Variants in ZNF521 observed in about 807,000 individuals in gnomAD.
The protein encoded by ZNF521 is zinc finger protein 521, also known as LYST-interacting protein 3.
A neutral mutation model predicts 105.5 loss-of-function variants in ZNF521; 14 were observed. That is an observed-to-expected ratio of 0.13 (90% CI 0.09 to 0.21). ZNF521 has a LOEUF of 0.21. Ranked by LOEUF, ZNF521 falls within the 10% of genes least tolerant of loss-of-function variation. The pLI is 1.00. For synonymous variants in ZNF521, 635 were observed against 606.0 expected, an observed-to-expected ratio of 1.05 and a Z score of -0.70; for missense variants, 1,233 against 1,629.7, an observed-to-expected ratio of 0.76 and a Z score of 4.19.
At chr18:25,324,650 T>C (rs4380121) in intron 2 of ZNF521, among the ~76,000 whole-genome samples, 1 of 152,166 alleles carries the variant, frequency 6.6e-6, no homozygotes, top group Non-Finnish European at 1.5e-5. Flanking sequence ...TTAGGTCTGA[T>C]TTTTAATATG....
intron 4 of ZNF521, chr18:25,202,755 T>C (rs1488877127): frequency 6.6e-6 from 1 of 152,216 alleles, no homozygotes; most frequent in East Asian, 1.9e-4. Flanking sequence ...TTTCCACAAA[T>C]GCTCAATAAC....
At chr18:25,254,345 G>C (rs1908327769) in intron 3 of ZNF521, among the ~76,000 whole-genome samples, 1 of 152,090 alleles carries the variant, frequency 6.6e-6, no homozygotes, top group African/African-American at 2.4e-5. Flanking sequence ...CATCTTGATA[G>C]GGCCAAACTA....
chr18:25,100,096 T>C (rs866094733), intron 5 of ZNF521, among the ~76,000 whole-genome samples: 28 of 151,780 alleles, frequency 1.8e-4, no homozygotes, highest in East Asian at 3.9e-4. Context: ...TTCTTTCTTT[T>C]TTTTTTTTTT....
chr18:25,191,354 T>C (rs1438302615), intron 5 of ZNF521, among the ~76,000 whole-genome samples: 1 of 152,152 alleles, frequency 6.6e-6, no homozygotes, highest in Non-Finnish European at 1.5e-5. Flanking sequence ...AGTCCATAAC[T>C]ATAGTAATCA....
At chr18:25,131,571 T>C (rs1389644563) in intron 5 of ZNF521, among the ~76,000 whole-genome samples, 1 of 152,130 alleles carries the variant, frequency 6.6e-6, no homozygotes, top group African/African-American at 2.4e-5. Context: ...ACATAAATAT[T>C]CATTTGCATG....
intron 4 of ZNF521, among the ~76,000 whole-genome samples, chr18:25,218,749 G>A (rs1171426962): frequency 1.3e-5 from 2 of 151,840 alleles, no homozygotes; most frequent in African/African-American, 4.8e-5. Context: ...TCAGGAGGCT[G>A]AGGCAGGAGA....
chr18:25,336,909 G>A (rs751728646), intron 2 of ZNF521, among the ~76,000 whole-genome samples: 4 of 152,178 alleles, frequency 2.6e-5, no homozygotes, highest in African/African-American at 9.7e-5. Flanking sequence ...TATTCTAAGA[G>A]CTTACACTAA....
chr18:25,158,567 C>T (rs987555509), intron 5 of ZNF521, among the ~76,000 whole-genome samples: 15 of 151,852 alleles, frequency 9.9e-5, no homozygotes, highest in African/African-American at 2.4e-4. Flanking sequence ...CATGAAACCA[C>T]GAAAGCATGA....
chr18:25,180,512 C>CAA lies in ZNF521; in HGVS notation c.3658+14646_3658+14647dup, dbSNP rs34127829. Among the ~76,000 whole-genome samples the CAA allele has an allele frequency of 6.9e-3, 960 of 140,008 alleles. 8 individuals are homozygous for CAA. The highest frequency in any genetic ancestry group is 0.02 in the Admixed American group (279 of 13,958). 91.9% of individuals were successfully genotyped at this position (140,008 alleles called of 152,430 possible). On this transcript the variant is annotated intron_variant, in intron 5 of 7. Transcript: ENST00000361524. ...CTAAAGTATATGTTTTTATCTCTTG[C>CAA]AAAAAAAAAAAACCCCACATTTATT...
intron 7 of ZNF521, among the ~76,000 whole-genome samples, chr18:25,083,419 G>A (rs1379334537): frequency 1.3e-5 from 2 of 152,150 alleles, no homozygotes; most frequent in East Asian, 3.9e-4. Context: ...GATGAATCTG[G>A]ATTTTGTTCA....
At chr18:25,110,231 G>A (rs1203776299) in intron 5 of ZNF521, among the ~76,000 whole-genome samples, 2 of 152,194 alleles carry the variant, frequency 1.3e-5, no homozygotes. Flanking sequence ...GATCTGGGAG[G>A]TAAAACTGAG....
chr18:25,342,386 C>T (rs1185767989), intron 2 of ZNF521, among the ~76,000 whole-genome samples: 2 of 150,056 alleles, frequency 1.3e-5, no homozygotes, highest in African/African-American at 4.9e-5. Flanking sequence ...GACTTTACAG[C>T]CTTTTTCCTT....
intron 5 of ZNF521, among the ~76,000 whole-genome samples, chr18:25,189,186 T>G (rs1041877266): frequency 2.6e-5 from 4 of 152,210 alleles, no homozygotes; most frequent in East Asian, 1.9e-4. Context: ...GAGTTTCTTT[T>G]AAATTGTCTT....
intron 3 of ZNF521, among the ~76,000 whole-genome samples, chr18:25,309,970 C>G (rs1365956180): frequency 6.6e-6 from 1 of 152,038 alleles, no homozygotes; most frequent in Non-Finnish European, 1.5e-5. Flanking sequence ...ACAATCTTTT[C>G]TATAAAAGTT....
chr18:25,168,914 T>C (rs1172379680), intron 5 of ZNF521, among the ~76,000 whole-genome samples: 1 of 151,856 alleles, frequency 6.6e-6, no homozygotes, highest in Non-Finnish European at 1.5e-5. Context: ...GTACACAAAC[T>C]GTATCACTGG....
At chr18:25,121,533 G>C (rs1448630113) in intron 5 of ZNF521, among the ~76,000 whole-genome samples, 1 of 151,992 alleles carries the variant, frequency 6.6e-6, no homozygotes, top group Non-Finnish European at 1.5e-5. Flanking sequence ...TTACAGTCAT[G>C]AGCCACAGCA....
At chr18:25,174,134 T>C (rs2035495057) in intron 5 of ZNF521, among the ~76,000 whole-genome samples, 1 of 152,198 alleles carries the variant, frequency 6.6e-6, no homozygotes. Context: ...GAAATAAGAA[T>C]GCTTACTTAT....
chr18:25,195,314 AT>A (rs1180623524), intron 4 of ZNF521, 70 bp from the exon 5 acceptor site: 11 of 1,276,528 alleles, frequency 8.6e-6, no homozygotes, highest in Non-Finnish European at 1.1e-5. Context: ...TTTAAAAAAC[AT>A]TTTTCTGAGA....
At chr18:25,325,434 G>C (rs1175546514) in intron 2 of ZNF521, among the ~76,000 whole-genome samples, 4 of 152,066 alleles carry the variant, frequency 2.6e-5, no homozygotes, top group African/African-American at 9.7e-5. Context: ...TCAACCTAAG[G>C]GGTTATAAAT....
Sources: gnomAD v4.1 joint callset for allele counts (sites outside exome capture counted in the v4.1 genomes callset) on GRCh38, gnomAD v4.1.1 for gene constraint, MANE v1.5 for transcripts, NCBI Gene and HGNC (gene_info 2026-07-23, HGNC 2026-07-21) for gene names.